Variants in SLC25A16 observed in about 807,000 individuals in gnomAD.
SLC25A16 encodes the protein mitochondrial coenzyme A transporter SLC25A16.
Under a neutral mutation model 41.5 loss-of-function variants are expected in SLC25A16, and 39 were observed. The ratio of observed to expected loss-of-function variants is 0.94; its 90% confidence interval spans 0.73 to 1.23. The LOEUF (loss-of-function observed/expected upper bound fraction) is 1.23. Ranked by LOEUF, SLC25A16 falls within the 50% of genes most tolerant of loss-of-function variation. The pLI is 0.00. For synonymous variants in SLC25A16, 146 were observed against 147.8 expected (o/e 0.99, Z 0.09); for missense variants, 421 against 426.9 (o/e 0.99, Z 0.12).
In SLC25A16 at chr10:68,479,252, C is replaced by G. The variant is rs1216642755; in HGVS notation, c.*4180G>C. 6.6e-6 allele frequency: 1 copy of G among 152,168 alleles called. No individual in the cohort carries two copies. The highest frequency in any genetic ancestry group is 1.5e-5 in the Non-Finnish European group (1 of 68,040). The allele number at this position is 152,168 out of a possible 1,614,324, so 9.4% of individuals were successfully genotyped here. A position where few individuals can be genotyped will look rare whatever the true frequency, so the allele number is the denominator to read the frequency against. ...CCCACCAGTAAACATCACTGAGTAC[C>G]ACTCTGACGCCATACCCTGTGCTCC... On this transcript the variant is annotated 3_prime_UTR_variant, in exon 9 of 9. Coordinates refer to ENST00000609923, the MANE Select transcript of SLC25A16 (RefSeq NM_152707.4).
chr10:68,492,638 C>T (rs758462191), intron 6 of SLC25A16, among the ~76,000 whole-genome samples: 5 of 151,788 alleles, frequency 3.3e-5, no homozygotes, highest in East Asian at 1.9e-4. Context: ...GCCGAGATCA[C>T]GCCATTGCAC....
chr10:68,502,406 A>G (rs2795899), intron 4 of SLC25A16, among the ~76,000 whole-genome samples: 5,428 of 152,028 alleles, frequency 0.036, 150 homozygotes, highest in South Asian at 0.09. Flanking sequence ...GGTCAAATCT[A>G]AAACTGGGAA....
intron 4 of SLC25A16, among the ~76,000 whole-genome samples, chr10:68,497,450 T>C (rs1000982642): frequency 6.6e-6 from 1 of 152,118 alleles, no homozygotes; most frequent in Non-Finnish European, 1.5e-5. Flanking sequence ...CTGTCTATAG[T>C]TGTGTGCAAT....
chr10:68,524,155 A>G (rs1590132163), intron 1 of SLC25A16, among the ~76,000 whole-genome samples: 2 of 151,686 alleles, frequency 1.3e-5, no homozygotes, highest in Admixed American at 1.3e-4. Flanking sequence ...CTAAAAATAC[A>G]AAAAATTAGC....
At position 68,491,789 on chromosome 10, in the gene SLC25A16, TTCTCTC is replaced by T. The variant is rs60947509; in HGVS notation, c.610+1337_610+1342del. On this transcript the variant is annotated intron_variant, in intron 6 of 8. Transcript: ENST00000609923. ...ATCTTGAATAAGCTTGATAGTAAACTTCTCTCTGTTTGCTTGCTTGCTTGCTTGATT... is the reference window on the plus strand; with the variant it reads ...ATCTTGAATAAGCTTGATAGTAAACTTGTTTGCTTGCTTGCTTGCTTGATT... Among the ~76,000 whole-genome samples the T allele has an allele frequency of 9.1e-3, 1,382 of 151,984 alleles. 13 individuals carry two copies. The highest frequency in any genetic ancestry group is 0.032 in the South Asian group (154 of 4,822).
intron 2 of SLC25A16, 54 bp downstream of exon 2, chr10:68,516,696 GC>G (rs2053166516): frequency 8.0e-7 from 1 of 1,254,282 alleles, no homozygotes; most frequent in African/African-American, 1.5e-5. Context: ...TCCCTTTTTT[GC>G]CCACTTTCCA....
intron 2 of SLC25A16, among the ~76,000 whole-genome samples, chr10:68,509,717 A>ATATATCTAACTATC: frequency 7.4e-6 from 1 of 135,372 alleles, no homozygotes; most frequent in South Asian, 2.5e-4. Context: ...AAAAAAATCT[A>ATATATCTAACTATC]TATATCTATC....
At chr10:68,525,849 A>AG (rs1184087151) in intron 1 of SLC25A16, among the ~76,000 whole-genome samples, 2 of 152,178 alleles carry the variant, frequency 1.3e-5, no homozygotes, top group Non-Finnish European at 2.9e-5. Context: ...ACAGAGTTGA[A>AG]TGGATTAAGG....
intron 1 of SLC25A16, 41 bp downstream of exon 1, chr10:68,527,205 G>C (rs1197690227): frequency 6.5e-7 from 1 of 1,540,074 alleles, no homozygotes; most frequent in Admixed American, 2.0e-5. Flanking sequence ...TCCTGCCCCC[G>C]CCACTCAGAG....
At chr10:68,486,246 A>AAAAAC (rs1564908767) in intron 8 of SLC25A16, among the ~76,000 whole-genome samples, 8 of 143,470 alleles carry the variant, frequency 5.6e-5, no homozygotes, top group African/African-American at 1.1e-4. Flanking sequence ...AAAAAAAAAA[A>AAAAAC]ACACAACCTC....
chr10:68,512,830 G>A lies in SLC25A16; in HGVS notation c.223+3921C>T, dbSNP rs1408357048. 2.0e-5 allele frequency among the ~76,000 whole-genome samples: 3 copies of A among 152,084 alleles called. No homozygotes were observed. In the East Asian group the frequency reaches 5.8e-4, roughly 29 times the overall value. On this transcript the variant is annotated intron_variant, in intron 2 of 8. Coordinates refer to ENST00000609923, the MANE Select transcript of SLC25A16 (RefSeq NM_152707.4). ...AGGCGGATGGATCAACTGAGGTCAG[G>A]AGTTCGAGACCAGCCTGACCAACAT...
intron 2 of SLC25A16, 101 bp from the exon 3 acceptor site, chr10:68,506,819 A>G (rs144848629): frequency 2.9e-6 from 2 of 688,452 alleles, no homozygotes; most frequent in South Asian, 2.7e-5. Context: ...CACTCAAGAT[A>G]TAATTTTGCT....
chr10:68,522,832 A>G (rs1215804562), intron 1 of SLC25A16, among the ~76,000 whole-genome samples: 2 of 151,078 alleles, frequency 1.3e-5, no homozygotes, highest in Non-Finnish European at 3.0e-5. Context: ...AAAAAAAAAA[A>G]AAAAAATTAG....
chr10:68,517,031 A>G (rs747342474), intron 1 of SLC25A16, 188 bp from the exon 2 acceptor site: 4 of 1,175,050 alleles, frequency 3.4e-6, no homozygotes, highest in African/African-American at 1.6e-5. Context: ...GCATGATTAC[A>G]CTGCTAAAAC....
chr10:68,500,130 T>G (rs2052816332), intron 4 of SLC25A16, among the ~76,000 whole-genome samples: 1 of 152,198 alleles, frequency 6.6e-6, no homozygotes, highest in South Asian at 2.1e-4. Flanking sequence ...TTAAAAAGCT[T>G]TAAAATAAGC....
At chr10:68,501,543 AGAGGAGAGAATGAGGG>A (rs973891622) in intron 4 of SLC25A16, among the ~76,000 whole-genome samples, 2 of 144,168 alleles carry the variant, frequency 1.4e-5, no homozygotes, top group African/African-American at 5.1e-5. Context: ...GGAGAAGAGG[AGAGGAGAGAATGAGGG>A]GAGGGGAGAG....
At position 68,512,564 on chromosome 10, in the gene SLC25A16, G is replaced by A. The variant is rs1186717588; in HGVS notation, c.223+4187C>T. ...TGAGGCAGGAGAATGGCGTGAACCC[G>A]GGAGGCGGAGCTTGCAGTGAGCCGA... On this transcript the variant is annotated intron_variant, in intron 2 of 8. Transcript: ENST00000609923. 4.3e-5 allele frequency among the ~76,000 whole-genome samples: 4 copies of A among 92,684 alleles called. 1 individual carries two copies. The highest frequency in any genetic ancestry group is 4.4e-4 in the South Asian group (1 of 2,256). The allele number at this position is 92,684 out of a possible 152,430, so 60.8% of individuals were successfully genotyped here. A position where few individuals can be genotyped will look rare whatever the true frequency, so the allele number is the denominator to read the frequency against.
intron 2 of SLC25A16, among the ~76,000 whole-genome samples, chr10:68,512,164 G>A (rs1269546726): frequency 6.6e-6 from 1 of 152,182 alleles, no homozygotes; most frequent in Non-Finnish European, 1.5e-5. Flanking sequence ...GCTCATGCCA[G>A]TAATCAAAGC....
chr10:68,517,300 C>T, intron 1 of SLC25A16: 2 of 964,636 alleles, frequency 2.1e-6, no homozygotes, highest in Non-Finnish European at 2.5e-6. Flanking sequence ...CCAACTTTTA[C>T]CCATAAAATT....
Sources: allele counts gnomAD v4.1 joint callset (sites outside exome capture counted in the v4.1 genomes callset), GRCh38; gene constraint gnomAD v4.1.1; transcripts MANE v1.5; gene names NCBI Gene and HGNC (gene_info 2026-07-23, HGNC 2026-07-21).